CXCL13: variants seen among roughly 807,000 people sequenced by gnomAD.
CXCL13 encodes the protein C-X-C motif chemokine 13.
In CXCL13, 7 loss-of-function variants were observed where a neutral mutation model predicts 12.2. That is an observed-to-expected ratio of 0.57 (90% CI 0.33 to 1.07). CXCL13 has a LOEUF of 1.07. Ranked by LOEUF, CXCL13 falls within the 50% of genes least tolerant of loss-of-function variation. CXCL13 has a pLI of 0.04. For synonymous variants in CXCL13, 47 were observed against 42.4 expected, an observed-to-expected ratio of 1.11 and a Z score of -0.42; for missense variants, 113 against 127.4, an observed-to-expected ratio of 0.89 and a Z score of 0.55.
intron 1 of CXCL13, among the ~76,000 whole-genome samples, chr4:77,565,310 C>T (rs1163385904): frequency 6.6e-6 from 1 of 152,164 alleles, no homozygotes; most frequent in Non-Finnish European, 1.5e-5. Context: ...GATCACAGGG[C>T]TCTTGCACAC....
At chr4:77,594,817 C>A (rs1009237034) in intron 1 of CXCL13, among the ~76,000 whole-genome samples, 1 of 152,152 alleles carries the variant, frequency 6.6e-6, no homozygotes, top group Non-Finnish European at 1.5e-5. Context: ...GGCTTAATAC[C>A]TAGGTGATGG....
At chr4:77,584,584 T>C (rs763502070) in intron 1 of CXCL13, among the ~76,000 whole-genome samples, 4 of 152,168 alleles carry the variant, frequency 2.6e-5, no homozygotes, top group Non-Finnish European at 4.4e-5. Context: ...TTTTTAACAG[T>C]TTGGAGACAC....
intron 2 of CXCL13, among the ~76,000 whole-genome samples, chr4:77,609,486 T>G (rs142545798): frequency 0.018 from 2,698 of 151,898 alleles, 41 homozygotes; most frequent in Non-Finnish European, 0.028. Flanking sequence ...CTAGTTTTTT[T>G]TATTATTATT....
chr4:77,571,596 G>A (rs1726081600), intron 1 of CXCL13, among the ~76,000 whole-genome samples: 1 of 151,844 alleles, frequency 6.6e-6, no homozygotes. Flanking sequence ...GGGACGTGGA[G>A]AACCTTTGTA....
chr4:77,536,389 C>A (rs946148261), intron 1 of CXCL13, among the ~76,000 whole-genome samples: 2 of 152,116 alleles, frequency 1.3e-5, no homozygotes, highest in East Asian at 1.9e-4. Flanking sequence ...GGTGTGGCTC[C>A]ATCATGAAGA....
At chr4:77,573,397 TG>T (rs1726137372) in intron 1 of CXCL13, among the ~76,000 whole-genome samples, 1 of 150,878 alleles carries the variant, frequency 6.6e-6, no homozygotes, top group South Asian at 2.1e-4. Context: ...TGTGTGTGTG[TG>T]TGTGTGTGTG....
intron 1 of CXCL13, among the ~76,000 whole-genome samples, chr4:77,548,793 G>A (rs1725437052): frequency 6.6e-6 from 1 of 152,126 alleles, no homozygotes; most frequent in African/African-American, 2.4e-5. Flanking sequence ...CAACCTTGGT[G>A]AATCTGACAA....
intron 1 of CXCL13, among the ~76,000 whole-genome samples, chr4:77,592,221 G>A (rs928478015): frequency 3.9e-5 from 6 of 152,226 alleles, no homozygotes; most frequent in Non-Finnish European, 8.8e-5. Flanking sequence ...TAAAGAATAT[G>A]TGGTGCTTAT....
intron 1 of CXCL13, among the ~76,000 whole-genome samples, chr4:77,540,175 GA>G (rs1337102339): frequency 1.1e-4 from 16 of 152,108 alleles, no homozygotes; most frequent in Admixed American, 9.8e-4. Context: ...GTACAAGATA[GA>G]AAAAATTTTT....
intron 1 of CXCL13, among the ~76,000 whole-genome samples, chr4:77,561,255 A>G (rs1281215534): frequency 6.6e-6 from 1 of 152,234 alleles, no homozygotes; most frequent in Non-Finnish European, 1.5e-5. Context: ...TTAGAAATGT[A>G]GAAAATTGTC....
At chr4:77,566,594 G>A (rs1214741705) in intron 1 of CXCL13, among the ~76,000 whole-genome samples, 2 of 151,606 alleles carry the variant, frequency 1.3e-5, no homozygotes, top group Non-Finnish European at 2.9e-5. Flanking sequence ...GGTGCAAAAT[G>A]TGAGTATTGA....
intron 1 of CXCL13, among the ~76,000 whole-genome samples, chr4:77,562,363 C>A (rs984009497): frequency 3.9e-5 from 6 of 152,054 alleles, no homozygotes; most frequent in African/African-American, 1.2e-4. Context: ...GCTCCACCTG[C>A]ACCGGGGTGC....
chr4:77,588,403 G>T (rs1488055230), intron 1 of CXCL13, among the ~76,000 whole-genome samples: 2 of 152,194 alleles, frequency 1.3e-5, no homozygotes, highest in Non-Finnish European at 2.9e-5. Flanking sequence ...ATTCAGGTGT[G>T]ACACCTGTCC....
intron 1 of CXCL13, among the ~76,000 whole-genome samples, chr4:77,583,936 T>A (rs914644496): frequency 6.6e-6 from 1 of 151,502 alleles, no homozygotes; most frequent in Non-Finnish European, 1.5e-5. Flanking sequence ...GGGAACTACA[T>A]GGGACACTCT....
At chr4:77,548,225 C>A (rs1313119861) in intron 1 of CXCL13, among the ~76,000 whole-genome samples, 2 of 152,162 alleles carry the variant, frequency 1.3e-5, no homozygotes, top group Non-Finnish European at 2.9e-5. Flanking sequence ...ATGGAGAGGA[C>A]AAACCTCCAG....
At chr4:77,582,606 G>A (rs981179804) in intron 1 of CXCL13, among the ~76,000 whole-genome samples, 4 of 152,188 alleles carry the variant, frequency 2.6e-5, no homozygotes, top group Non-Finnish European at 5.9e-5. Flanking sequence ...AGTGGTGAAA[G>A]ATGAGTCTAG....
chr4:77,574,619 T>C (rs1444936643), intron 1 of CXCL13, among the ~76,000 whole-genome samples: 1 of 151,940 alleles, frequency 6.6e-6, no homozygotes, highest in African/African-American at 2.4e-5. Context: ...ATTGGGCACC[T>C]AAAAGACAGA....
intron 1 of CXCL13, 83 bp from the exon 2 acceptor site, chr4:77,607,620 C>A: frequency 7.3e-7 from 1 of 1,367,666 alleles, no homozygotes; most frequent in South Asian, 1.4e-5. Flanking sequence ...TTCAAATGCA[C>A]GTTATGAAAG....
chr4:77,575,536 A>G (rs546111763), intron 1 of CXCL13, among the ~76,000 whole-genome samples: 188 of 151,872 alleles, frequency 1.2e-3, no homozygotes, highest in Non-Finnish European at 2.1e-3. Context: ...TATGAGTGAG[A>G]ACATGTGGTG....
Sources: gnomAD v4.1 joint callset for allele counts (sites outside exome capture counted in the v4.1 genomes callset) on GRCh38, gnomAD v4.1.1 for gene constraint, MANE v1.5 for transcripts, NCBI Gene and HGNC (gene_info 2026-07-23, HGNC 2026-07-21) for gene names.